Variants in ZNF536 observed in about 807,000 individuals in gnomAD.
The protein encoded by ZNF536 is zinc finger protein 536.
A neutral mutation model predicts 84.5 loss-of-function variants in ZNF536; 13 were observed. That is an observed-to-expected ratio of 0.15 (90% CI 0.10 to 0.24). The LOEUF (loss-of-function observed/expected upper bound fraction) is 0.24. ZNF536 is among the 10% of genes least tolerant of loss of function. The probability of loss-of-function intolerance (pLI) is 1.00; values close to 1 mark genes in which losing one functional copy is unlikely to be tolerated. For missense variants in ZNF536, 1,536 were observed against 1,747.5 expected, an observed-to-expected ratio of 0.88 and a Z score of 2.16; for synonymous variants, 811 against 742.5, an observed-to-expected ratio of 1.09 and a Z score of -1.50.
chr19:30,297,429 GT>G (rs1223915560), intron 2 of ZNF536, among the ~76,000 whole-genome samples: 1 of 152,082 alleles, frequency 6.6e-6, no homozygotes, highest in African/African-American at 2.4e-5. Flanking sequence ...ACCCTTGAAG[GT>G]TTTATTACTG....
At chr19:30,395,529 G>C (rs2049779338) in intron 1 of ZNF536, among the ~76,000 whole-genome samples, 1 of 152,204 alleles carries the variant, frequency 6.6e-6, no homozygotes, top group African/African-American at 2.4e-5. Flanking sequence ...CCAAAGAAGG[G>C]CCACCAGGAT....
chr19:30,466,972 C>T (rs1015602589), intron 2 of ZNF536, among the ~76,000 whole-genome samples: 2 of 152,150 alleles, frequency 1.3e-5, no homozygotes, highest in Admixed American at 6.5e-5. Flanking sequence ...TCCCAAGTAG[C>T]TGGGATTACA....
At chr19:30,675,403 G>A (rs1243738273) in intron 1 of ZNF536, among the ~76,000 whole-genome samples, 1 of 152,222 alleles carries the variant, frequency 6.6e-6, no homozygotes, top group Non-Finnish European at 1.5e-5. Context: ...AAAGGACGCT[G>A]TTCCTAACAG....
chr19:30,259,422 G>C (rs934911193), intron 1 of ZNF536, among the ~76,000 whole-genome samples: 1 of 152,162 alleles, frequency 6.6e-6, no homozygotes, highest in African/African-American at 2.4e-5. Context: ...CAGCATGGGC[G>C]TCACCAGGGA....
At chr19:30,297,663 A>T (rs543733933) in intron 2 of ZNF536, among the ~76,000 whole-genome samples, 1 of 152,306 alleles carries the variant, frequency 6.6e-6, no homozygotes, top group Admixed American at 6.5e-5. Flanking sequence ...TGTAGAAATG[A>T]TGGCCGCTCG....
chr19:30,421,119 C>CT (rs2050938437), intron 1 of ZNF536, among the ~76,000 whole-genome samples: 1 of 152,136 alleles, frequency 6.6e-6, no homozygotes. Context: ...AGACAGGGTC[C>CT]TTGGGCTTCG....
At chr19:30,436,731 G>T (rs1473089576) in intron 1 of ZNF536, among the ~76,000 whole-genome samples, 1 of 152,182 alleles carries the variant, frequency 6.6e-6, no homozygotes, top group South Asian at 2.1e-4. Context: ...CTTAATTACT[G>T]TTTACTGTCA....
At chr19:30,582,015 A>G (rs2046937916) in intron 1 of ZNF536, among the ~76,000 whole-genome samples, 3 of 152,210 alleles carry the variant, frequency 2.0e-5, no homozygotes, top group Non-Finnish European at 4.4e-5. Flanking sequence ...TGAATGTCGC[A>G]GGATTCCCAG....
chr19:30,410,561 G>A (rs974720209), intron 1 of ZNF536, among the ~76,000 whole-genome samples: 38 of 138,278 alleles, frequency 2.7e-4, no homozygotes, highest in African/African-American at 1.1e-3. Flanking sequence ...TGCAAGCTCC[G>A]CCTCCCGGGT....
chr19:30,514,236 A>T (rs11669833), intron 2 of ZNF536, among the ~76,000 whole-genome samples: 2 of 152,118 alleles, frequency 1.3e-5, no homozygotes, highest in African/African-American at 4.8e-5. Flanking sequence ...CAGTTTGTCC[A>T]CATCCAACTG....
chr19:30,671,002 C>T (rs1337635868), intron 1 of ZNF536, among the ~76,000 whole-genome samples: 1 of 152,218 alleles, frequency 6.6e-6, no homozygotes, highest in Non-Finnish European at 1.5e-5. Context: ...CCTGAGACTC[C>T]TCCCCTCCCC....
In ZNF536 at chr19:30,493,928, C is replaced by G. The variant is rs151231464; in HGVS notation, c.2171-40919C>G. Among the ~76,000 whole-genome samples the G allele has an allele frequency of 2.5e-3, 388 of 152,252 alleles. 1 individual carries two copies. The highest frequency in any genetic ancestry group is 9.1e-3 in the African/African-American group (377 of 41,532). ...GAGTGTTTGCAACTCTTCCGAGAAGCACAGAGAGCAATGGCTGCACAGATA... is the reference window on the plus strand; with the variant it reads ...GAGTGTTTGCAACTCTTCCGAGAAGGACAGAGAGCAATGGCTGCACAGATA... On this transcript the variant is annotated intron_variant, in intron 2 of 4. Transcript: ENST00000355537.
intron 1 of ZNF536, among the ~76,000 whole-genome samples, chr19:30,677,731 C>A (rs2050803662): frequency 6.6e-6 from 1 of 152,230 alleles, no homozygotes; most frequent in Admixed American, 6.5e-5. Flanking sequence ...CGATTTTTGT[C>A]TTTCCTGGCA....
chr19:30,534,731 T>G, intron 2 of ZNF536, 116 bp from the exon 3 acceptor site: 2 of 1,051,648 alleles, frequency 1.9e-6, no homozygotes, highest in Non-Finnish European at 2.6e-6. Context: ...ATTTAAAGAA[T>G]GAAATAGACA....
At chr19:30,337,374 G>T (rs1024615065) in intron 2 of ZNF536, among the ~76,000 whole-genome samples, 7 of 152,198 alleles carry the variant, frequency 4.6e-5, no homozygotes, top group Non-Finnish European at 7.3e-5. Context: ...GTAGATTTTA[G>T]CTTGGCCACC....
At chr19:30,511,736 T>C (rs763151655) in intron 2 of ZNF536, among the ~76,000 whole-genome samples, 73 of 152,328 alleles carry the variant, frequency 4.8e-4, no homozygotes, top group South Asian at 2.5e-3. Flanking sequence ...GTTGTCACAT[T>C]ATTATTTAAG....
At chr19:30,527,051 C>A (rs1034277849) in intron 2 of ZNF536, among the ~76,000 whole-genome samples, 1 of 151,436 alleles carries the variant, frequency 6.6e-6, no homozygotes, top group South Asian at 2.1e-4. Context: ...CCCGAATAGC[C>A]GGGACTACAG....
At chr19:30,279,852 G>A (rs529431367) in intron 1 of ZNF536, among the ~76,000 whole-genome samples, 6 of 152,252 alleles carry the variant, frequency 3.9e-5, no homozygotes, top group Admixed American at 6.5e-5. Context: ...CGAAGGAGCC[G>A]GACTGGCTTT....
At chr19:30,266,813 T>G (rs1247348043) in intron 1 of ZNF536, among the ~76,000 whole-genome samples, 2 of 152,174 alleles carry the variant, frequency 1.3e-5, no homozygotes, top group Non-Finnish European at 2.9e-5. Context: ...TTAATTAAAA[T>G]TAACGGATTT....
Sources: gnomAD v4.1 joint callset for allele counts (sites outside exome capture counted in the v4.1 genomes callset) on GRCh38, gnomAD v4.1.1 for gene constraint, MANE v1.5 for transcripts, NCBI Gene and HGNC (gene_info 2026-07-23, HGNC 2026-07-21) for gene names.